SFMBT1: variants seen among roughly 807,000 people sequenced by gnomAD.
SFMBT1 encodes the protein Scm like with four mbt domains 1.
In SFMBT1, 32 loss-of-function variants were observed where a neutral mutation model predicts 108.7. That is an observed-to-expected ratio of 0.29 (90% CI 0.22 to 0.40). SFMBT1 has a LOEUF of 0.40. Ranked by LOEUF, SFMBT1 falls within the 10% of genes least tolerant of loss-of-function variation. SFMBT1 has a pLI of 1.00. For synonymous variants in SFMBT1, 348 were observed against 369.5 expected, an observed-to-expected ratio of 0.94 and a Z score of 0.67; for missense variants, 816 against 1,059.6, an observed-to-expected ratio of 0.77 and a Z score of 3.19.
chr3:53,029,575 C>T (rs551494441), intron 1 of SFMBT1, among the ~76,000 whole-genome samples: 5 of 152,308 alleles, frequency 3.3e-5, no homozygotes, highest in African/African-American at 1.2e-4. Flanking sequence ...CACCCAAATA[C>T]AGAAATTGAT....
chr3:53,016,550 C>T (rs1699133241), intron 1 of SFMBT1, among the ~76,000 whole-genome samples: 1 of 152,180 alleles, frequency 6.6e-6, no homozygotes, highest in African/African-American at 2.4e-5. Context: ...TTTTAATTTG[C>T]ATCCCCCAAT....
At chr3:52,946,882 ATGCC>A (rs1703385371) in intron 3 of SFMBT1, among the ~76,000 whole-genome samples, 3 of 149,086 alleles carry the variant, frequency 2.0e-5, no homozygotes, top group Admixed American at 6.8e-5. Context: ...AGTGATTCTC[ATGCC>A]TCAGCCTCCC....
chr3:52,975,671 G>A (rs1019217701), intron 1 of SFMBT1, among the ~76,000 whole-genome samples: 14 of 152,252 alleles, frequency 9.2e-5, no homozygotes, highest in African/African-American at 2.4e-4. Flanking sequence ...GCGCAATCCC[G>A]TTTTACTGCA....
intron 1 of SFMBT1, among the ~76,000 whole-genome samples, chr3:52,976,206 A>T (rs1704514754): frequency 6.6e-6 from 1 of 152,142 alleles, no homozygotes; most frequent in Admixed American, 6.5e-5. Flanking sequence ...GTTCAAGACC[A>T]ACCTGGGCAG....
intron 1 of SFMBT1, among the ~76,000 whole-genome samples, chr3:53,011,744 C>A (rs1698952608): frequency 6.6e-6 from 1 of 152,178 alleles, no homozygotes; most frequent in African/African-American, 2.4e-5. Context: ...TTAAGAAGAA[C>A]TGAGGTTTGG....
At chr3:52,935,241 C>T (rs964275241) in intron 4 of SFMBT1, among the ~76,000 whole-genome samples, 1 of 152,140 alleles carries the variant, frequency 6.6e-6, no homozygotes, top group Non-Finnish European at 1.5e-5. Context: ...TCCTAAGTGC[C>T]CTGGCGTCAA....
chr3:53,020,251 T>C (rs1418765341), intron 1 of SFMBT1, among the ~76,000 whole-genome samples: 1 of 152,054 alleles, frequency 6.6e-6, no homozygotes, highest in African/African-American at 2.4e-5. Context: ...TGGCCAGGCA[T>C]GGTGGTGCAT....
chr3:52,941,054 G>T (rs1321961066), intron 4 of SFMBT1, among the ~76,000 whole-genome samples: 1 of 152,138 alleles, frequency 6.6e-6, no homozygotes, highest in East Asian at 1.9e-4. Context: ...TTAAGAAAAC[G>T]AGAGAGACAC....
chr3:52,922,501 T>C (rs1418063845), intron 10 of SFMBT1, among the ~76,000 whole-genome samples: 1 of 152,178 alleles, frequency 6.6e-6, no homozygotes, highest in Admixed American at 6.5e-5. Context: ...AAGATGGATA[T>C]AACAGGAAAG....
intron 4 of SFMBT1, among the ~76,000 whole-genome samples, chr3:52,937,214 C>T (rs1445770344): frequency 1.3e-5 from 2 of 152,108 alleles, no homozygotes; most frequent in Non-Finnish European, 2.9e-5. Context: ...ATTAAGTCTA[C>T]CACCAACAGT....
chr3:52,962,079 A>G (rs1451772334), intron 2 of SFMBT1, among the ~76,000 whole-genome samples: 1 of 152,242 alleles, frequency 6.6e-6, no homozygotes, highest in Non-Finnish European at 1.5e-5. Context: ...AACGACAGAG[A>G]TATCAGATTG....
chr3:52,924,307 G>A (rs890734244), intron 10 of SFMBT1, among the ~76,000 whole-genome samples: 38 of 152,178 alleles, frequency 2.5e-4, no homozygotes, highest in African/African-American at 8.9e-4. Flanking sequence ...CAAAAGGGGA[G>A]TGGGCAATTC....
chr3:52,943,501 A>T lies in SFMBT1; in HGVS notation c.216T>A (p.Val72=). Residue 72 remains valine (V), a synonymous_variant, in exon 4 of 21, where the codon GTT becomes GTA. Transcript: ENST00000394752. ...TDPETYWVAT[V]ITTCEQLLLL... is the part of the protein sequence containing the mutation. ...GGAGCAACTGCTCACAGGTAGTGAT[A>T]ACGGTGGCAACCCAGTAGGTCTCAG... 1 of 1,614,168 alleles carries T rather than the reference A, an allele frequency of 6.2e-7. No individual in the cohort carries two copies. Among genetic ancestry groups the T allele is most frequent in the African/African-American group, 1.3e-5 (1 of 75,072 alleles).
At position 52,935,044 on chromosome 3, in the gene SFMBT1, A is replaced by C; in HGVS notation, c.365-143T>G. 4 of 629,134 alleles carry C rather than the reference A, an allele frequency of 6.4e-6. No homozygotes were observed. In the Admixed American group the frequency reaches 1.3e-4, roughly 20 times the overall value. The allele number at this position is 629,134 out of a possible 1,614,324, so 39.0% of individuals were successfully genotyped here. A position where few individuals can be genotyped will look rare whatever the true frequency, so the allele number is the denominator to read the frequency against. The stretch of plus-strand genomic sequence containing the variant: ...TACTGCTTGAGAGCTTGAAAAGATA[A>C]AACAAAATAAAACCAAAAATGCTTC... On this transcript the variant is annotated intron_variant, in intron 4 of 20. Transcript: ENST00000394752.
chr3:52,983,338 G>A (rs1488245476), intron 1 of SFMBT1, among the ~76,000 whole-genome samples: 2 of 152,162 alleles, frequency 1.3e-5, no homozygotes, highest in South Asian at 2.1e-4. Flanking sequence ...AAAACAGTAT[G>A]TAATATATAA....
At chr3:52,989,697 G>A (rs1401904303) in intron 1 of SFMBT1, among the ~76,000 whole-genome samples, 9 of 151,490 alleles carry the variant, frequency 5.9e-5, no homozygotes. Flanking sequence ...TACTTGGGAG[G>A]CTGGGAGAAT....
At chr3:52,924,680 A>G (rs1702608561) in intron 10 of SFMBT1, among the ~76,000 whole-genome samples, 1 of 151,410 alleles carries the variant, frequency 6.6e-6, no homozygotes. Context: ...CAACAACAAC[A>G]ACAAAACCCA....
At chr3:52,923,391 CCCT>C (rs1304539514) in intron 10 of SFMBT1, among the ~76,000 whole-genome samples, 12 of 151,960 alleles carry the variant, frequency 7.9e-5, no homozygotes, top group Non-Finnish European at 1.5e-5. Flanking sequence ...CATAGTGAAA[CCCT>C]GTCCCTACTA....
chr3:52,920,012 C>CTAG (rs879227319), intron 12 of SFMBT1, among the ~76,000 whole-genome samples: 1 of 152,242 alleles, frequency 6.6e-6, no homozygotes, highest in Admixed American at 6.5e-5. Flanking sequence ...ATCCACAGAG[C>CTAG]TAGTAGTCCC....
Sources: allele counts gnomAD v4.1 joint callset (sites outside exome capture counted in the v4.1 genomes callset), GRCh38; gene constraint gnomAD v4.1.1; transcripts MANE v1.5; gene names NCBI Gene and HGNC (gene_info 2026-07-23, HGNC 2026-07-21).